The following MANEA variants were observed in gnomAD, a reference collection of about 807,000 sequenced individuals.
MANEA encodes the protein glycoprotein endo-alpha-1,2-mannosidase.
MANEA carries 25 observed loss-of-function variants against 36.8 expected under a neutral mutation model. That is an observed-to-expected ratio of 0.68 (90% CI 0.50 to 0.95). MANEA has a LOEUF of 0.95. Ranked by LOEUF, MANEA falls within the 40% of genes least tolerant of loss-of-function variation. MANEA has a pLI of 0.00. For synonymous variants in MANEA, 198 were observed against 188.5 expected, an observed-to-expected ratio of 1.05 and a Z score of -0.41; for missense variants, 565 against 558.8, an observed-to-expected ratio of 1.01 and a Z score of -0.11.
rs911882060 is a variant in MANEA at position 95,607,977 on chromosome 6, T to G, written c.*1572T>G. ...AACAGTGGTTTTGACACAAATTATGTTATTGAAAAGCATTATTAATGTTTA... is the reference window on the plus strand; with the variant it reads ...AACAGTGGTTTTGACACAAATTATGGTATTGAAAAGCATTATTAATGTTTA... On this transcript the variant is annotated 3_prime_UTR_variant, in exon 5 of 5. Coordinates refer to ENST00000358812, the MANE Select transcript of MANEA (RefSeq NM_024641.4). The G allele has an allele frequency of 6.6e-6, 1 of 151,878 alleles. No homozygotes were observed. Among genetic ancestry groups the G allele is most frequent in the Non-Finnish European group, 1.5e-5 (1 of 67,798 alleles). 9.4% of individuals were successfully genotyped at this position (151,878 alleles called of 1,614,324 possible). A position where few individuals can be genotyped will look rare whatever the true frequency, so the allele number is the denominator to read the frequency against.
At position 95,596,832 on chromosome 6, in the gene MANEA, A is replaced by C; in HGVS notation, c.640A>C (p.Lys214Gln). The C allele has an allele frequency of 6.6e-7, 1 of 1,525,640 alleles. No individual in the cohort carries two copies. Among genetic ancestry groups the C allele is most frequent in the Non-Finnish European group, 9.1e-7 (1 of 1,100,000 alleles). 94.5% of individuals were successfully genotyped at this position (1,525,640 alleles called of 1,614,324 possible). ...ACCCACTATTTTGGATAAAGCTCATAAATATAACCTAAAGGTATTTTATTT... is the reference window on the plus strand; with the variant it reads ...ACCCACTATTTTGGATAAAGCTCATCAATATAACCTAAAGGTATTTTATTT... The part of the protein sequence containing the change: ...LVPTILDKAH[K>Q]YNLKVTFHIE... Residue 214 changes from lysine (K) to glutamine (Q), a missense_variant, in exon 3 of 5, where the codon AAA becomes CAA. Physicochemically the swap from Lys to Gln is moderately conservative, Grantham distance 53 (BLOSUM62 1). Transcript: ENST00000358812.
At chr6:95,589,076 C>A (rs12525680) in intron 2 of MANEA, among the ~76,000 whole-genome samples, 26,684 of 151,696 alleles carry the variant, frequency 0.18, 2,467 homozygotes, top group African/African-American at 0.2. Context: ...TGGATTTTCT[C>A]CTAGACAAAA....
intron 3 of MANEA, among the ~76,000 whole-genome samples, chr6:95,601,770 A>T (rs1372664352): frequency 3.4e-5 from 4 of 116,190 alleles, no homozygotes; most frequent in Non-Finnish European, 6.8e-5. Context: ...GGAAAGAACC[A>T]ACTCAGCCCT....
At chr6:95,587,572 A>G (rs1769312746) in intron 2 of MANEA, among the ~76,000 whole-genome samples, 1 of 152,134 alleles carries the variant, frequency 6.6e-6, no homozygotes, top group Non-Finnish European at 1.5e-5. Context: ...TCAGCACAAT[A>G]TTTTGAACTG....
chr6:95,589,849 G>T (rs1283505159), intron 2 of MANEA, among the ~76,000 whole-genome samples: 2 of 152,150 alleles, frequency 1.3e-5, no homozygotes, highest in Non-Finnish European at 2.9e-5. Flanking sequence ...AGGTGCAAAA[G>T]ATTGCTAATC....
intron 2 of MANEA, 111 bp from the exon 3 acceptor site, chr6:95,596,626 C>T (rs1217333058): frequency 3.3e-5 from 19 of 583,860 alleles, no homozygotes; most frequent in Non-Finnish European, 5.6e-5. Context: ...AAAACCACCT[C>T]GTATAAATAT....
At position 95,605,996 on chromosome 6, in the gene MANEA, A is replaced by G. The variant is rs1562201717; in HGVS notation, c.980A>G (p.Asn327Ser). 2 of 1,614,020 alleles carry G rather than the reference A, an allele frequency of 1.2e-6. No homozygotes were observed. The highest frequency in any genetic ancestry group is 8.5e-7 in the Non-Finnish European group (1 of 1,179,962). The change falls in exon 5 of 5, where the codon AAT (asparagine) becomes AGT (serine). Residue 327 changes from asparagine to serine, a missense_variant. Asn to Ser is a conservative substitution (Grantham distance 46). Coordinates refer to ENST00000358812, the MANE Select transcript of MANEA (RefSeq NM_024641.4). ...FDGIYTYFAT[N>S]GFTYGSSHQN... Reference sequence around the variant, plus strand: ...GGAATTTACACATATTTTGCCACAAATGGCTTTACTTATGGCTCATCACAT... The same window carrying G: ...GGAATTTACACATATTTTGCCACAAGTGGCTTTACTTATGGCTCATCACAT...
intron 2 of MANEA, among the ~76,000 whole-genome samples, chr6:95,592,959 G>T (rs1348492297): frequency 6.6e-6 from 1 of 152,164 alleles, no homozygotes; most frequent in Admixed American, 6.5e-5. Flanking sequence ...TTATATTGAA[G>T]GTCCTGTAAT....
Position 95,606,792 on chromosome 6 carries a change from T to C in MANEA, c.*387T>C, listed in dbSNP as rs1582233196. ...AATAGGATTGTGTGTATATTTGGGA[T>C]ATCTATTGAAGAAAAAAAGAAAACC... On this transcript the variant is annotated 3_prime_UTR_variant, in exon 5 of 5. Coordinates refer to ENST00000358812, the MANE Select transcript of MANEA (RefSeq NM_024641.4). 1 of 152,846 alleles carries C rather than the reference T, an allele frequency of 6.5e-6. No homozygotes were observed. Among genetic ancestry groups the C allele is most frequent in the African/African-American group, 2.4e-5 (1 of 41,570 alleles). 9.5% of individuals were successfully genotyped at this position (152,846 alleles called of 1,614,324 possible).
rs1199377688 is a variant in MANEA at position 95,606,045 on chromosome 6, AT to A, written c.1033del (p.Cys345ValfsTer6). ...SHQNWASLKL[F>X]CDKYNLIFIP... ...ATCAGAATTGGGCTAGCCTAAAATT[AT>A]TTTGTGATAAATACAACTTAATATT... On this transcript the variant is annotated frameshift_variant, in exon 5 of 5. Coordinates refer to ENST00000358812, the MANE Select transcript of MANEA (RefSeq NM_024641.4). LOFTEE classifies it high-confidence loss of function. The A allele has an allele frequency of 5.0e-6, 8 of 1,614,084 alleles. No homozygotes were observed. The highest frequency in any genetic ancestry group is 6.8e-6 in the Non-Finnish European group (8 of 1,179,970).
At chr6:95,605,684 G>C (rs944532493) in intron 4 of MANEA, 64 bp from the exon 5 acceptor site, 2 of 1,276,770 alleles carry the variant, frequency 1.6e-6, no homozygotes, top group African/African-American at 3.0e-5. Context: ...TCAGTAAACA[G>C]TTTTTGTCTG....
intron 1 of MANEA, among the ~76,000 whole-genome samples, chr6:95,584,321 AGG>A (rs1769238635): frequency 6.6e-6 from 1 of 152,104 alleles, no homozygotes; most frequent in Non-Finnish European, 1.5e-5. Flanking sequence ...CAAGTAGGAG[AGG>A]TATCACTAAA....
intron 1 of MANEA, among the ~76,000 whole-genome samples, chr6:95,585,888 T>G (rs991456606): frequency 2.0e-5 from 3 of 152,052 alleles, no homozygotes; most frequent in Non-Finnish European, 4.4e-5. Flanking sequence ...AGGCCAGGTG[T>G]GTGGTGACTC....
At chr6:95,586,292 GTATT>G in intron 1 of MANEA, 106 bp from the exon 2 acceptor site, 1 of 619,802 alleles carries the variant, frequency 1.6e-6, no homozygotes, top group South Asian at 2.1e-5. Context: ...GATGAAATCA[GTATT>G]AATTATTCAA....
At chr6:95,601,442 T>C (rs1378060115) in intron 3 of MANEA, among the ~76,000 whole-genome samples, 1 of 152,184 alleles carries the variant, frequency 6.6e-6, no homozygotes, top group East Asian at 1.9e-4. Context: ...AGATAATGTA[T>C]ACTATGTGCT....
Position 95,586,711 on chromosome 6 carries a change from T to C in MANEA, c.272T>C (p.Leu91Pro). 2 of 1,613,996 alleles carry C rather than the reference T, an allele frequency of 1.2e-6. No homozygotes were observed. Among genetic ancestry groups the C allele is most frequent in the East Asian group, 4.5e-5 (2 of 44,866 alleles). ...ATGAAACCTTCCAAAGCCTCTGAAC[T>C]TAACTTGGATGAACTACCACCTCTG... ...ITMKPSKASE[L>P]NLDELPPLNN... The change falls in exon 2 of 5, where the codon CTT becomes CCT. Residue 91 changes from leucine to proline, a missense_variant. Physicochemically the swap from Leu to Pro is moderately conservative, Grantham distance 98. Coordinates refer to ENST00000358812, the MANE Select transcript of MANEA (RefSeq NM_024641.4).
chr6:95,603,388 A>C (rs28385617), intron 3 of MANEA, among the ~76,000 whole-genome samples: 11,208 of 152,230 alleles, frequency 0.074, 428 homozygotes, highest in Non-Finnish European at 0.082. Flanking sequence ...GAATTTAAAA[A>C]GCAAATACCA....
intron 3 of MANEA, among the ~76,000 whole-genome samples, chr6:95,604,319 T>A (rs2127945714): frequency 6.6e-6 from 1 of 151,984 alleles, no homozygotes; most frequent in East Asian, 1.9e-4. Flanking sequence ...CTGAAAAAAA[T>A]CCAGATTTTT....
chr6:95,578,906 C>A (rs1038324232), intron 1 of MANEA, among the ~76,000 whole-genome samples: 5 of 152,126 alleles, frequency 3.3e-5, no homozygotes, highest in Non-Finnish European at 7.3e-5. Context: ...TTGTCTAATA[C>A]CTTAAAGGAA....
Sources: allele counts gnomAD v4.1 joint callset (sites outside exome capture counted in the v4.1 genomes callset), GRCh38; gene constraint gnomAD v4.1.1; transcripts MANE v1.5; gene names NCBI Gene and HGNC (gene_info 2026-07-23, HGNC 2026-07-21).